NTM: variants seen among roughly 807,000 people sequenced by gnomAD.
The protein encoded by NTM is IgLON family member 2.
In NTM, 13 loss-of-function variants were observed where a neutral mutation model predicts 42.1. The ratio of observed to expected loss-of-function variants is 0.31; its 90% CI spans 0.20 to 0.49. NTM has a LOEUF of 0.49. Ranked by LOEUF, NTM falls within the 20% of genes least tolerant of loss-of-function variation. NTM has a pLI of 0.99. For missense variants in NTM, 373 were observed against 452.8 expected, an observed-to-expected ratio of 0.82 and a Z score of 1.60; for synonymous variants, 187 against 179.2, an observed-to-expected ratio of 1.04 and a Z score of -0.35.
intron 2 of NTM, among the ~76,000 whole-genome samples, chr11:132,098,053 C>T (rs2061230808): frequency 6.6e-6 from 1 of 152,204 alleles, no homozygotes; most frequent in African/African-American, 2.4e-5. Context: ...TCCATTGATC[C>T]TGCTAGAAAT....
At chr11:131,624,777 C>A (rs1565343897) in intron 1 of NTM, among the ~76,000 whole-genome samples, 2 of 152,214 alleles carry the variant, frequency 1.3e-5, no homozygotes, top group African/African-American at 4.8e-5. Flanking sequence ...ATCTTTGGTT[C>A]ATGCTTCAGT....
At chr11:131,385,063 A>C (rs945795498) in intron 1 of NTM, among the ~76,000 whole-genome samples, 7 of 152,188 alleles carry the variant, frequency 4.6e-5, no homozygotes, top group African/African-American at 7.2e-5. Context: ...CCCCCTGCAG[A>C]TGCTCCTGGA....
At chr11:132,277,185 C>T (rs369624586) in intron 4 of NTM, among the ~76,000 whole-genome samples, 1 of 152,094 alleles carries the variant, frequency 6.6e-6, no homozygotes, top group East Asian at 1.9e-4. Flanking sequence ...CTTCTGTTGG[C>T]TGAAAGTGGC....
chr11:131,380,289 C>T (rs893896495), intron 1 of NTM, among the ~76,000 whole-genome samples: 1 of 150,754 alleles, frequency 6.6e-6, no homozygotes. Context: ...CTCACCTCAA[C>T]CTCCGCCTCC....
intron 1 of NTM, among the ~76,000 whole-genome samples, chr11:131,572,607 A>G (rs942696546): frequency 5.7e-4 from 87 of 152,112 alleles, no homozygotes; most frequent in African/African-American, 2.0e-3. Context: ...GCATTGAAAG[A>G]CTTTGCAGAG....
rs114794218 is a variant in NTM, at chr11:132,294,181, C to T, written c.527-13508C>T. ...GGAGCAAGCTTCTGATTTACCTAAG[C>T]AACTGAATAATTACCTTCAGCAATC... On this transcript the variant is annotated intron_variant, in intron 4 of 8. Coordinates refer to ENST00000683400, the MANE Select transcript of NTM (RefSeq NM_001352005.2). 1.7e-3 allele frequency among the ~76,000 whole-genome samples: 252 copies of T among 152,260 alleles called. 1 individual carries two copies. Among genetic ancestry groups the T allele is most frequent in the African/African-American group, 5.9e-3 (244 of 41,556 alleles).
chr11:131,709,102 T>C (rs1055347074), intron 1 of NTM, among the ~76,000 whole-genome samples: 9 of 152,000 alleles, frequency 5.9e-5, no homozygotes, highest in South Asian at 2.1e-4. Flanking sequence ...GCTGGTGTGT[T>C]CAAGAACAGG....
chr11:131,418,903 G>A (rs1947223210), intron 1 of NTM, among the ~76,000 whole-genome samples: 1 of 152,134 alleles, frequency 6.6e-6, no homozygotes, highest in Non-Finnish European at 1.5e-5. Context: ...AAATCAGGGT[G>A]GCGCCTCATG....
At chr11:131,446,266 C>A (rs1186322368) in intron 1 of NTM, among the ~76,000 whole-genome samples, 1 of 152,090 alleles carries the variant, frequency 6.6e-6, no homozygotes, top group African/African-American at 2.4e-5. Context: ...TTCCTATTAC[C>A]GTCCCTAGGA....
At chr11:131,825,565 C>T (rs2042030216) in intron 1 of NTM, among the ~76,000 whole-genome samples, 1 of 152,086 alleles carries the variant, frequency 6.6e-6, no homozygotes, top group African/African-American at 2.4e-5. Flanking sequence ...ACAAAAGTGT[C>T]CCAACCTCTG....
chr11:131,399,897 C>T (rs544467761), intron 1 of NTM, among the ~76,000 whole-genome samples: 19 of 152,058 alleles, frequency 1.2e-4, no homozygotes, highest in African/African-American at 4.1e-4. Flanking sequence ...TCTGTCATGG[C>T]GGGAAAAGTA....
chr11:131,674,243 G>T (rs1455352701), intron 1 of NTM, among the ~76,000 whole-genome samples: 1 of 152,240 alleles, frequency 6.6e-6, no homozygotes, highest in Non-Finnish European at 1.5e-5. Context: ...ACTGAAACTG[G>T]AAAGAGCTCA....
chr11:131,936,205 G>T (rs1418249852), intron 2 of NTM, among the ~76,000 whole-genome samples: 1 of 152,120 alleles, frequency 6.6e-6, no homozygotes, highest in Non-Finnish European at 1.5e-5. Flanking sequence ...ATTAACGTTG[G>T]TTAAAATTAA....
chr11:131,836,623 C>T (rs1005398648), intron 1 of NTM, among the ~76,000 whole-genome samples: 1 of 152,158 alleles, frequency 6.6e-6, no homozygotes, highest in Non-Finnish European at 1.5e-5. Flanking sequence ...TGCTTCTCTC[C>T]ATGTCATGAG....
chr11:131,472,082 G>C (rs1952491493), intron 1 of NTM, among the ~76,000 whole-genome samples: 1 of 152,168 alleles, frequency 6.6e-6, no homozygotes, highest in African/African-American at 2.4e-5. Flanking sequence ...TCAGAATGCT[G>C]TTGTATAAAT....
At chr11:132,267,549 C>A (rs573826819) in intron 4 of NTM, among the ~76,000 whole-genome samples, 1 of 150,654 alleles carries the variant, frequency 6.6e-6, no homozygotes, top group East Asian at 1.9e-4. Context: ...GGGTGCATGG[C>A]TCACACCTGT....
chr11:131,717,330 C>T (rs559741502), intron 1 of NTM, among the ~76,000 whole-genome samples: 1 of 152,268 alleles, frequency 6.6e-6, no homozygotes, highest in South Asian at 2.1e-4. Flanking sequence ...GAGAAAATGA[C>T]ATTTTAACAA....
intron 4 of NTM, among the ~76,000 whole-genome samples, chr11:132,252,019 C>T (rs771476130): frequency 5.3e-5 from 8 of 152,150 alleles, no homozygotes; most frequent in Non-Finnish European, 1.0e-4. Context: ...GAGGCAAGGC[C>T]GTGGCCTTCT....
intron 1 of NTM, among the ~76,000 whole-genome samples, chr11:131,826,862 G>A (rs572565841): frequency 2.0e-4 from 30 of 152,214 alleles, no homozygotes; most frequent in South Asian, 1.0e-3. Context: ...TAGGAGTAGC[G>A]TGCTTGCAAA....
Sources: gnomAD v4.1 joint callset for allele counts (sites outside exome capture counted in the v4.1 genomes callset) on GRCh38, gnomAD v4.1.1 for gene constraint, MANE v1.5 for transcripts, NCBI Gene and HGNC (gene_info 2026-07-23, HGNC 2026-07-21) for gene names.